The following OLA1 variants were observed in gnomAD, a reference collection of about 807,000 sequenced individuals.
The protein encoded by OLA1 is obg-like ATPase 1.
In OLA1, 14 loss-of-function variants were observed where a neutral mutation model predicts 48.4. The observed-to-expected ratio is 0.29, with a 90% CI of 0.19 to 0.45. OLA1 has a LOEUF of 0.45. OLA1 is among the 20% of genes least tolerant of loss of function. OLA1 has a pLI of 1.00. For missense variants in OLA1, 325 were observed against 467.1 expected, an observed-to-expected ratio of 0.70 and a Z score of 2.80; for synonymous variants, 127 against 150.4, an observed-to-expected ratio of 0.84 and a Z score of 1.14.
intron 4 of OLA1, among the ~76,000 whole-genome samples, chr2:174,152,582 C>G (rs1686771191): frequency 6.6e-6 from 1 of 152,008 alleles, no homozygotes; most frequent in South Asian, 2.1e-4. Context: ...ACGTTTCTAG[C>G]CTTCAGAGTT....
intron 4 of OLA1, among the ~76,000 whole-genome samples, chr2:174,203,682 C>T (rs1367375772): frequency 6.6e-6 from 1 of 151,990 alleles, no homozygotes; most frequent in Non-Finnish European, 1.5e-5. Flanking sequence ...CTCCATTTTA[C>T]TCTAGATAGG....
chr2:174,240,158 T>C (rs1688962585), intron 2 of OLA1: 1 of 152,184 alleles, frequency 6.6e-6, no homozygotes, highest in African/African-American at 2.4e-5. Flanking sequence ...TCTTACTATA[T>C]TGTCCAGGCT....
At chr2:174,175,673 T>C (rs576495416) in intron 4 of OLA1, among the ~76,000 whole-genome samples, 15 of 152,152 alleles carry the variant, frequency 9.9e-5, no homozygotes, top group Non-Finnish European at 1.5e-4. Flanking sequence ...TTTATAAAGC[T>C]AAACATACAG....
intron 5 of OLA1, among the ~76,000 whole-genome samples, chr2:174,137,435 A>C (rs1339951212): frequency 6.6e-6 from 1 of 152,234 alleles, no homozygotes; most frequent in East Asian, 1.9e-4. Context: ...ATTGGTTTCA[A>C]CTTAAAGTCA....
chr2:174,161,310 A>G (rs1687006293), intron 4 of OLA1, among the ~76,000 whole-genome samples: 1 of 152,240 alleles, frequency 6.6e-6, no homozygotes, highest in Admixed American at 6.5e-5. Flanking sequence ...CCTATAACTT[A>G]TATAGGCCTA....
At chr2:174,115,763 C>T (rs1685766804) in intron 7 of OLA1, among the ~76,000 whole-genome samples, 1 of 152,162 alleles carries the variant, frequency 6.6e-6, no homozygotes, top group Non-Finnish European at 1.5e-5. Context: ...TCTCTCATGG[C>T]ATGTATCCTT....
Position 174,244,519 on chromosome 2 carries a change from T to A in OLA1, c.101+2196A>T, listed in dbSNP as rs768841992. On this transcript the variant is annotated intron_variant, in intron 2 of 10. Transcript: ENST00000284719. The stretch of plus-strand genomic sequence containing the variant: ...CTAAGATTCCAGCAGATTGAGTCCC[T>A]TATATACAATGGTGTAGTATAATAC... Among the ~76,000 whole-genome samples, 5 of 152,356 alleles carry A rather than the reference T, an allele frequency of 3.3e-5. No homozygotes were observed. In the South Asian group the frequency reaches 1.0e-3, roughly 32 times the overall value.
intron 4 of OLA1, among the ~76,000 whole-genome samples, chr2:174,205,180 T>C (rs1421965369): frequency 6.6e-6 from 1 of 152,212 alleles, no homozygotes; most frequent in African/African-American, 2.4e-5. Flanking sequence ...TAACACTGCT[T>C]CAATTTTTTA....
chr2:174,243,060 G>A (rs942952549), intron 2 of OLA1, among the ~76,000 whole-genome samples: 1 of 152,020 alleles, frequency 6.6e-6, no homozygotes, highest in Admixed American at 6.5e-5. Context: ...CCAGGCTAGA[G>A]TGCAGTGGCG....
chr2:174,192,817 C>T (rs1574541369), intron 4 of OLA1, among the ~76,000 whole-genome samples: 2 of 152,268 alleles, frequency 1.3e-5, no homozygotes, highest in South Asian at 4.1e-4. Flanking sequence ...ATTCCACTGT[C>T]TCCTAGCTTC....
Position 174,135,690 on chromosome 2 carries a change from G to A in OLA1, c.549+6135C>T, listed in dbSNP as rs117711336. Among the ~76,000 whole-genome samples, 56 of 152,244 alleles carry A rather than the reference G, an allele frequency of 3.7e-4. No individual in the cohort carries two copies. In the East Asian group the frequency reaches 9.1e-3, roughly 25 times the overall value. ...CAGCCTTACCAAAAATTAGTATCACGTTCTTTTAGAAATGATCTCTTTAAG... is the reference window on the plus strand; with the variant it reads ...CAGCCTTACCAAAAATTAGTATCACATTCTTTTAGAAATGATCTCTTTAAG... On this transcript the variant is annotated intron_variant, in intron 5 of 10. Coordinates refer to ENST00000284719, the MANE Select transcript of OLA1 (RefSeq NM_013341.5).
chr2:174,152,985 C>T (rs985836689), intron 4 of OLA1, among the ~76,000 whole-genome samples: 4 of 152,182 alleles, frequency 2.6e-5, no homozygotes, highest in African/African-American at 9.7e-5. Context: ...CCTCCTCTCT[C>T]ATTACAGGAA....
chr2:174,173,004 A>T (rs1687343571), intron 4 of OLA1, among the ~76,000 whole-genome samples: 1 of 152,172 alleles, frequency 6.6e-6, no homozygotes, highest in African/African-American at 2.4e-5. Context: ...GCCTTCTGCC[A>T]TGACTCTAAG....
chr2:174,202,710 A>T (rs1250199170), intron 4 of OLA1, among the ~76,000 whole-genome samples: 1 of 152,204 alleles, frequency 6.6e-6, no homozygotes, highest in Non-Finnish European at 1.5e-5. Flanking sequence ...TCATCTTGTA[A>T]ACAGATAATA....
intron 7 of OLA1, among the ~76,000 whole-genome samples, chr2:174,119,493 G>A (rs1685860387): frequency 6.6e-6 from 1 of 151,994 alleles, no homozygotes; most frequent in Non-Finnish European, 1.5e-5. Context: ...ATAGAAAATT[G>A]TGTGTCAAAA....
At chr2:174,075,639 A>G in intron 10 of OLA1, 112 bp from the exon 11 acceptor site, 1 of 661,206 alleles carries the variant, frequency 1.5e-6, no homozygotes, top group Non-Finnish European at 2.6e-6. Context: ...ATATAAAAAA[A>G]GAAAAAATGA....
chr2:174,203,052 CTT>C (rs1391138758), intron 4 of OLA1, among the ~76,000 whole-genome samples: 2 of 152,066 alleles, frequency 1.3e-5, no homozygotes, highest in Non-Finnish European at 2.9e-5. Context: ...ATGACATCAA[CTT>C]TGTCTCCTTT....
chr2:174,099,363 C>A (rs1200812420), intron 7 of OLA1, among the ~76,000 whole-genome samples: 2 of 152,204 alleles, frequency 1.3e-5, no homozygotes, highest in South Asian at 4.1e-4. Flanking sequence ...ACCATGTTGG[C>A]CAGGATGGTC....
chr2:174,229,785 C>T (rs1688688984), intron 2 of OLA1, among the ~76,000 whole-genome samples: 1 of 152,190 alleles, frequency 6.6e-6, no homozygotes, highest in African/African-American at 2.4e-5. Flanking sequence ...ATCGTACCAG[C>T]ATCACTTCAT....
Sources: allele counts gnomAD v4.1 joint callset (sites outside exome capture counted in the v4.1 genomes callset), GRCh38; gene constraint gnomAD v4.1.1; transcripts MANE v1.5; gene names NCBI Gene and HGNC (gene_info 2026-07-23, HGNC 2026-07-21).